Variants in NTM observed in about 807,000 individuals in gnomAD.
The protein encoded by NTM is IgLON family member 2.
NTM carries 13 observed loss-of-function variants against 42.1 expected under a neutral mutation model. The ratio of observed to expected loss-of-function variants is 0.31; its 90% CI spans 0.20 to 0.49. The LOEUF (loss-of-function observed/expected upper bound fraction) is 0.49, where lower values mean the gene tolerates loss of function less well. Ranked by LOEUF, NTM falls within the 20% of genes least tolerant of loss-of-function variation. The pLI, the probability that NTM is intolerant of heterozygous loss-of-function variation, is 0.99. For synonymous variants in NTM, 187 were observed against 179.2 expected, an observed-to-expected ratio of 1.04 and a Z score of -0.35; for missense variants, 373 against 452.8, an observed-to-expected ratio of 0.82 and a Z score of 1.60.
At chr11:132,319,986 G>A (rs1592000263) in intron 7 of NTM, among the ~76,000 whole-genome samples, 1 of 152,284 alleles carries the variant, frequency 6.6e-6, no homozygotes, top group East Asian at 1.9e-4. Flanking sequence ...AGCCTCCGCT[G>A]CTGATACCCA....
chr11:131,895,505 T>G (rs1218360449), intron 1 of NTM, among the ~76,000 whole-genome samples: 1 of 152,202 alleles, frequency 6.6e-6, no homozygotes, highest in East Asian at 1.9e-4. Flanking sequence ...TGCTCAGTGT[T>G]GGGCAGGTAC....
intron 1 of NTM, among the ~76,000 whole-genome samples, chr11:131,684,170 G>A (rs1004482524): frequency 2.0e-5 from 3 of 152,166 alleles, no homozygotes; most frequent in Admixed American, 6.5e-5. Context: ...GCTCCTGTGT[G>A]TGGGGCTCTG....
intron 2 of NTM, among the ~76,000 whole-genome samples, chr11:131,953,221 A>T (rs2061209970): frequency 6.6e-6 from 1 of 152,176 alleles, no homozygotes; most frequent in South Asian, 2.1e-4. Context: ...ATAAACATGA[A>T]CAATGAGGTG....
intron 1 of NTM, among the ~76,000 whole-genome samples, chr11:131,728,032 TA>T (rs1271545002): frequency 6.6e-6 from 1 of 152,186 alleles, no homozygotes; most frequent in Non-Finnish European, 1.5e-5. Context: ...AGCAAACACT[TA>T]CTAAGAACTT....
chr11:131,460,602 G>A (rs1951289091), intron 1 of NTM, among the ~76,000 whole-genome samples: 1 of 151,932 alleles, frequency 6.6e-6, no homozygotes. Flanking sequence ...GCCCAGACTA[G>A]AGTGCAGTGG....
intron 1 of NTM, among the ~76,000 whole-genome samples, chr11:131,485,132 T>C (rs1026245211): frequency 6.6e-6 from 1 of 152,222 alleles, no homozygotes; most frequent in Non-Finnish European, 1.5e-5. Context: ...TCTCAGTTGG[T>C]ACCAGAGCCT....
chr11:131,799,067 G>T (rs902327831), intron 1 of NTM, among the ~76,000 whole-genome samples: 13 of 152,228 alleles, frequency 8.5e-5, no homozygotes, highest in Non-Finnish European at 1.6e-4. Flanking sequence ...AACTCTTTTA[G>T]TAAAGCACTT....
intron 3 of NTM, among the ~76,000 whole-genome samples, chr11:132,207,638 A>T (rs1468039921): frequency 6.6e-6 from 1 of 152,208 alleles, no homozygotes; most frequent in Non-Finnish European, 1.5e-5. Context: ...AAGGTTGGGG[A>T]CTACTCCTCT....
chr11:132,000,958 C>T (rs750896207), intron 2 of NTM, among the ~76,000 whole-genome samples: 9 of 152,026 alleles, frequency 5.9e-5, no homozygotes, highest in Non-Finnish European at 1.0e-4. Flanking sequence ...GTAGATAAAG[C>T]GAAGTAGGAA....
intron 2 of NTM, among the ~76,000 whole-genome samples, chr11:132,017,276 A>G (rs779800540): frequency 2.6e-5 from 4 of 152,014 alleles, no homozygotes; most frequent in Non-Finnish European, 5.9e-5. Flanking sequence ...GTTAGTTCAT[A>G]CATGTCGATC....
chr11:132,111,874 A>C (rs916879866), intron 2 of NTM, among the ~76,000 whole-genome samples: 1 of 152,248 alleles, frequency 6.6e-6, no homozygotes, highest in Non-Finnish European at 1.5e-5. Flanking sequence ...CACTAGTTTG[A>C]ATTTTCTGGC....
intron 1 of NTM, among the ~76,000 whole-genome samples, chr11:131,548,525 A>G (rs894561056): frequency 3.3e-5 from 5 of 152,216 alleles, no homozygotes; most frequent in African/African-American, 1.2e-4. Flanking sequence ...TAACATTTAC[A>G]TTAAATGTGA....
intron 1 of NTM, among the ~76,000 whole-genome samples, chr11:131,699,020 G>C (rs2075785732): frequency 6.6e-6 from 1 of 152,212 alleles, no homozygotes; most frequent in Non-Finnish European, 1.5e-5. Flanking sequence ...TCTTGATTAT[G>C]GTGGCGACTA....
chr11:131,782,237 G>A (rs2088282129), intron 1 of NTM, among the ~76,000 whole-genome samples: 1 of 152,010 alleles, frequency 6.6e-6, no homozygotes, highest in Non-Finnish European at 1.5e-5. Context: ...GACATTAAAA[G>A]GATAATAAGG....
At chr11:131,731,687 T>G (rs895092362) in intron 1 of NTM, among the ~76,000 whole-genome samples, 3 of 152,132 alleles carry the variant, frequency 2.0e-5, no homozygotes, top group African/African-American at 7.2e-5. Context: ...GGCCTGAACA[T>G]TGGCTGCAAA....
chr11:132,223,400 A>G (rs2085544636), intron 4 of NTM, among the ~76,000 whole-genome samples: 1 of 152,210 alleles, frequency 6.6e-6, no homozygotes, highest in South Asian at 2.1e-4. Flanking sequence ...TGGATTCATT[A>G]AGAAGATACC....
chr11:131,800,684 T>C (rs1160385203), intron 1 of NTM, among the ~76,000 whole-genome samples: 1 of 152,168 alleles, frequency 6.6e-6, no homozygotes, highest in Non-Finnish European at 1.5e-5. Flanking sequence ...TGCCTAGGTG[T>C]TCCATCCTCT....
intron 1 of NTM, among the ~76,000 whole-genome samples, chr11:131,549,022 A>T (rs976728291): frequency 6.6e-6 from 1 of 152,180 alleles, no homozygotes; most frequent in East Asian, 1.9e-4. Flanking sequence ...CCATCAGTAA[A>T]AGTAGGAATG....
chr11:131,914,678 C>T (rs1271168418), intron 2 of NTM, among the ~76,000 whole-genome samples: 1 of 152,208 alleles, frequency 6.6e-6, no homozygotes, highest in African/African-American at 2.4e-5. Flanking sequence ...TAGCATAGCA[C>T]TGACAGCCTG....
Sources: gnomAD v4.1 joint callset for allele counts (sites outside exome capture counted in the v4.1 genomes callset) on GRCh38, gnomAD v4.1.1 for gene constraint, MANE v1.5 for transcripts, NCBI Gene and HGNC (gene_info 2026-07-23, HGNC 2026-07-21) for gene names.